The following FAAH variants were observed in gnomAD, a reference collection of about 807,000 sequenced individuals.
FAAH encodes the protein fatty-acid amide hydrolase 1.
In FAAH, 63 loss-of-function variants were observed where a neutral mutation model predicts 69.7. The observed-to-expected ratio is 0.90, with a 90% CI of 0.74 to 1.12. FAAH has a LOEUF of 1.12. Ranked by LOEUF, FAAH falls within the 50% of genes most tolerant of loss-of-function variation. The pLI, the probability that FAAH is intolerant of heterozygous loss-of-function variation, is 0.00. For missense variants in FAAH, 680 were observed against 755.0 expected, an observed-to-expected ratio of 0.90 and a Z score of 1.16; for synonymous variants, 305 against 324.2, an observed-to-expected ratio of 0.94 and a Z score of 0.64.
intron 1 of FAAH, among the ~76,000 whole-genome samples, chr1:46,397,527 T>TG (rs1664617035): frequency 6.6e-6 from 1 of 151,872 alleles, no homozygotes; most frequent in Non-Finnish European, 1.5e-5. Context: ...TTGTAGGCTT[T>TG]GCGGGGGAGT....
In FAAH at chr1:46,408,503, T is replaced by G. The variant is rs747394672; in HGVS notation, c.996T>G (p.Thr332=). The change falls in exon 8 of 15, where the codon ACT becomes ACG. Residue 332 remains threonine (T), a synonymous_variant. Coordinates refer to ENST00000243167, the MANE Select transcript of FAAH (RefSeq NM_001441.3). ...SQPLRVGYYE[T]DNYTMPSPAM... Reference sequence around the variant, plus strand: ...CCCTGCGTGTGGGGTACTATGAGACTGACAACTATACCATGCCCTCCCCGG... The same window carrying G: ...CCCTGCGTGTGGGGTACTATGAGACGGACAACTATACCATGCCCTCCCCGG... The G allele has an allele frequency of 1.9e-6, 3 of 1,614,006 alleles. No individual in the cohort carries two copies. In the African/African-American group the frequency reaches 4.0e-5, roughly 22 times the overall value.
chr1:46,410,704 G>A lies in FAAH; in HGVS notation c.1276-110G>A, dbSNP rs1022652489. 63 of 1,395,506 alleles carry A rather than the reference G, an allele frequency of 4.5e-5. No homozygotes were observed. The East Asian group carries it at 1.4e-3, about 30-fold the overall frequency. The allele number at this position is 1,395,506 out of a possible 1,614,324, so 86.4% of individuals were successfully genotyped here. A position where few individuals can be genotyped will look rare whatever the true frequency, so the allele number is the denominator to read the frequency against. ...CATGCTGAAAGGGGTGCCGACCTGG[G>A]CCCTGGGGGGAGGCATGGAGGGAGG... is the stretch of plus-strand genomic sequence containing the variant. On this transcript the variant is annotated intron_variant, in intron 10 of 14. Transcript: ENST00000243167. This position sits in a 1 kb window ranked among gnomAD's most constrained non-coding sequence, Gnocchi z 4.9.
At position 46,406,344 on chromosome 1, in the gene FAAH, G is replaced by A. The variant is rs774930131; in HGVS notation, c.927G>A (p.Val309=). Residue 309 remains valine (V), a synonymous_variant, in exon 7 of 15, where the codon GTG becomes GTA. Transcript: ENST00000243167. ...CEDMFRLDPT[V]PPLPFREEVY... ...ACATGTTCCGCTTGGACCCCACTGT[G>A]CCTCCCTTGCCCTTCAGAGAAGAGG... 4.7e-5 allele frequency: 76 copies of A among 1,613,962 alleles called. No homozygotes were observed. Among genetic ancestry groups the A allele is most frequent in the Non-Finnish European group, 3.6e-5 (42 of 1,180,048 alleles).
rs1664786137 is a variant in FAAH, at chr1:46,405,940, A to G, written c.786-98A>G. On this transcript the variant is annotated intron_variant, in intron 5 of 14. Coordinates refer to ENST00000243167, the MANE Select transcript of FAAH (RefSeq NM_001441.3). The surrounding 1 kb of genome is among the most constrained non-coding windows in gnomAD (Gnocchi z 4.1). ...GTACCACTGGCCGGGCGTGGGTCCTAGTTTCCAAAGCGGTGAGTGTTCAGA... is the reference window on the plus strand; with the variant it reads ...GTACCACTGGCCGGGCGTGGGTCCTGGTTTCCAAAGCGGTGAGTGTTCAGA... The G allele has an allele frequency of 1.9e-6, 3 of 1,612,706 alleles. No individual in the cohort carries two copies. Among genetic ancestry groups the G allele is most frequent in the Admixed American group, 3.3e-5 (2 of 60,014 alleles).
At position 46,404,999 on chromosome 1, in the gene FAAH, C is replaced by T. The variant is rs1366374033; in HGVS notation, c.310-15C>T. On this transcript the variant is annotated splice_polypyrimidine_tract_variant and intron_variant, in intron 2 of 14. Transcript: ENST00000243167. This position sits in a 1 kb window ranked among gnomAD's most constrained non-coding sequence, Gnocchi z 4.5. ...CCAGCCTCCTTTTATCTTATGTCTACTTCCCCTTCCTCAGGCCTGGGAAGT... is the reference window on the plus strand; with the variant it reads ...CCAGCCTCCTTTTATCTTATGTCTATTTCCCCTTCCTCAGGCCTGGGAAGT... The T allele has an allele frequency of 1.9e-6, 3 of 1,613,890 alleles. No individual in the cohort carries two copies. Among genetic ancestry groups the T allele is most frequent in the Middle Eastern group, 1.6e-4 (1 of 6,084 alleles).
chr1:46,409,155 G>C lies in FAAH; in HGVS notation c.1132G>C (p.Gly378Arg). ...CCATGCTCTGGAGACCCTGTCAACAGGTGGGCTCTTCAGTGATGGTGGCCA... is the reference window on the plus strand; with the variant it reads ...CCATGCTCTGGAGACCCTGTCAACACGTGGGCTCTTCAGTGATGGTGGCCA... ...IPHALETLST[G>R]GLFSDGGHTF... The change falls in exon 9 of 15, where the codon GGT (glycine) becomes CGT (arginine). Residue 378 changes from glycine (G) to arginine (R), a missense_variant. Physicochemically the swap from Gly to Arg is moderately radical, Grantham distance 125. Coordinates refer to ENST00000243167, the MANE Select transcript of FAAH (RefSeq NM_001441.3). 2 of 1,614,062 alleles carry C rather than the reference G, an allele frequency of 1.2e-6. No homozygotes were observed. Among genetic ancestry groups the C allele is most frequent in the Non-Finnish European group, 1.7e-6 (2 of 1,179,988 alleles).
rs1664769536 is a variant in FAAH at position 46,405,207 on chromosome 1, T to C, written c.444+59T>C. 2 of 1,613,104 alleles carry C rather than the reference T, an allele frequency of 1.2e-6. No homozygotes were observed. Among genetic ancestry groups the C allele is most frequent in the Non-Finnish European group, 1.7e-6 (2 of 1,180,020 alleles). On this transcript the variant is annotated intron_variant, in intron 3 of 14. Transcript: ENST00000243167. This position sits in a 1 kb window ranked among gnomAD's most constrained non-coding sequence, Gnocchi z 4.1. ...CCCCTCCATCCCTGCCAGCCTGCTC[T>C]GCATCTTGGGTCATTTTGGGCCCTT...
At position 46,413,529 on chromosome 1, in the gene FAAH, T is replaced by C. The variant is rs922554874; in HGVS notation, c.1694T>C (p.Met565Thr). 2 of 1,614,086 alleles carry C rather than the reference T, an allele frequency of 1.2e-6. No homozygotes were observed. Among genetic ancestry groups the C allele is most frequent in the Admixed American group, 1.7e-5 (1 of 60,014 alleles). ...PWQEELCLRF[M>T]REVERLMTPE... The stretch of plus-strand genomic sequence containing the variant: ...CAAGAAGAGTTGTGTCTGCGGTTCA[T>C]GCGGGAGGTGGAGCGACTGATGACC... Residue 565 changes from methionine (M) to threonine (T), a missense_variant, in exon 15 of 15, where the codon ATG becomes ACG. Physicochemically the swap from Met to Thr is moderately conservative, Grantham distance 81. Transcript: ENST00000243167.
In FAAH at chr1:46,405,196, C is replaced by T. The variant is rs1370000219; in HGVS notation, c.444+48C>T. On this transcript the variant is annotated intron_variant, in intron 3 of 14. Transcript: ENST00000243167. The surrounding 1 kb of genome is among the most constrained non-coding windows in gnomAD (Gnocchi z 4.1). ...GCCTCCATCGTCCCCTCCATCCCTGCCAGCCTGCTCTGCATCTTGGGTCAT... is the reference window on the plus strand; with the variant it reads ...GCCTCCATCGTCCCCTCCATCCCTGTCAGCCTGCTCTGCATCTTGGGTCAT... 1.2e-6 allele frequency: 2 copies of T among 1,613,338 alleles called. No individual in the cohort carries two copies. The highest frequency in any genetic ancestry group is 1.7e-5 in the Admixed American group (1 of 60,030).
rs79903429 is a variant in FAAH, at chr1:46,410,776, C to G, written c.1276-38C>G. The G allele has an allele frequency of 1.7e-3, 2,783 of 1,613,972 alleles. 31 individuals carry two copies. In the East Asian group the frequency reaches 0.021, roughly 12 times the overall value. On this transcript the variant is annotated intron_variant, in intron 10 of 14. Transcript: ENST00000243167. This position sits in a 1 kb window ranked among gnomAD's most constrained non-coding sequence, Gnocchi z 4.9. Reference sequence around the variant, plus strand: ...AAGAAGGTTGACGTCTGCCGTGGCCCAGAGCTGAGTCACCGACCCTGCGTC... The same window carrying G: ...AAGAAGGTTGACGTCTGCCGTGGCCGAGAGCTGAGTCACCGACCCTGCGTC...
chr1:46,394,321 C>T lies in FAAH; in HGVS notation c.-28C>T, dbSNP rs1378943751. 1 of 1,539,840 alleles carries T rather than the reference C, an allele frequency of 6.5e-7. No homozygotes were observed. The highest frequency in any genetic ancestry group is 1.2e-5 in the South Asian group (1 of 83,070). Reference sequence around the variant, plus strand: ...GCGCGTGCGGCGGCTTCAACTGTCGCGGTAGGCAGCAGCAGGCTGAAGGGA... The same window carrying T: ...GCGCGTGCGGCGGCTTCAACTGTCGTGGTAGGCAGCAGCAGGCTGAAGGGA... On this transcript the variant is annotated 5_prime_UTR_variant, in exon 1 of 15. Transcript: ENST00000243167.
At chr1:46,406,009 G>A in intron 5 of FAAH, 29 bp from the exon 6 acceptor site, 1 of 1,614,114 alleles carries the variant, frequency 6.2e-7, no homozygotes, top group Non-Finnish European at 8.5e-7. Context: ...GCCATTTCCT[G>A]TTTCCAGCAT....
rs769992869 is a variant in FAAH at position 46,406,255 on chromosome 1, G to A, written c.838G>A (p.Val280Met). 1.9e-6 allele frequency: 3 copies of A among 1,613,868 alleles called. No homozygotes were observed. The highest frequency in any genetic ancestry group is 1.3e-5 in the African/African-American group (1 of 74,936). ...TCTCTGCCCCACAGTGCGTCTCTCCGTGGGCCCCATGGCCCGGGACGTGGA... is the reference window on the plus strand; with the variant it reads ...TCTCTGCCCCACAGTGCGTCTCTCCATGGGCCCCATGGCCCGGGACGTGGA... ...VYGQEAVRLSVGPMARDVESL... is the reference protein window; with the variant it reads ...VYGQEAVRLSMGPMARDVESL... The change falls in exon 7 of 15, where the codon GTG becomes ATG. Residue 280 changes from valine (V) to methionine (M), a missense_variant. Val to Met is a conservative substitution (Grantham distance 21, BLOSUM62 1). Transcript: ENST00000243167.
At chr1:46,412,056 A>C in intron 12 of FAAH, 87 bp from the exon 13 acceptor site, 1 of 1,189,668 alleles carries the variant, frequency 8.4e-7, no homozygotes, top group Non-Finnish European at 1.2e-6. Flanking sequence ...CTGGGGCCAG[A>C]GCCACCCCAG....
In FAAH at chr1:46,410,816, G is replaced by C. The variant is rs74783386; in HGVS notation, c.1278G>C (p.Leu426=). Residue 426 remains leucine (L), a splice_region_variant and synonymous_variant, in exon 11 of 15, where the codon CTG becomes CTC. Coordinates refer to ENST00000243167, the MANE Select transcript of FAAH (RefSeq NM_001441.3). This position sits in a 1 kb window ranked among gnomAD's most constrained non-coding sequence, Gnocchi z 4.9. ...GACCCTGCGTCTGTCCTGTGCAGCTGCCAAGGCTGTCAGCTTTCCTCAGCA... is the reference window on the plus strand; with the variant it reads ...GACCCTGCGTCTGTCCTGTGCAGCTCCCAAGGCTGTCAGCTTTCCTCAGCA... ...GLLAFLVKPL[L]PRLSAFLSNM... The C allele has an allele frequency of 1.7e-3, 2,781 of 1,614,216 alleles. 31 individuals carry two copies. The East Asian group carries it at 0.021, about 12-fold the overall frequency.
At position 46,413,046 on chromosome 1, in the gene FAAH, C is replaced by G. The variant is rs759692017; in HGVS notation, c.1466-29C>G. The G allele has an allele frequency of 5.6e-6, 9 of 1,613,698 alleles. No homozygotes were observed. In the East Asian group the frequency reaches 2.0e-4, roughly 36 times the overall value. On this transcript the variant is annotated intron_variant, in intron 13 of 14. Coordinates refer to ENST00000243167, the MANE Select transcript of FAAH (RefSeq NM_001441.3). The stretch of plus-strand genomic sequence containing the variant: ...AGTTGGCACTGAAGATTCTCAGGGC[C>G]TGCTGCAGCTGCCTGTAATGTGTTC...
chr1:46,394,619 G>T (rs112313665), intron 1 of FAAH, 76 bp downstream of exon 1: 48 of 1,205,274 alleles, frequency 4.0e-5, no homozygotes, highest in Non-Finnish European at 4.9e-5. Flanking sequence ...CGGACCCGCC[G>T]AGGGACAGGG....
chr1:46,401,494 G>A (rs1308908043), intron 1 of FAAH, among the ~76,000 whole-genome samples: 1 of 152,052 alleles, frequency 6.6e-6, no homozygotes. Context: ...TCCCAAGATG[G>A]GGTCTTCTTG....
chr1:46,396,829 C>T lies in FAAH; in HGVS notation c.195+2286C>T, dbSNP rs12022769. On this transcript the variant is annotated intron_variant, in intron 1 of 14. Transcript: ENST00000243167. ...CATAGACACAGTAACAGTCTGATCT[C>T]TCTTTTCCCCACACATGTGTTGCGG... Among the ~76,000 whole-genome samples, 339 of 152,286 alleles carry T rather than the reference C, an allele frequency of 2.2e-3. 8 individuals are homozygous for T. The East Asian group carries it at 0.054, about 24-fold the overall frequency.
Sources: allele counts gnomAD v4.1 joint callset (sites outside exome capture counted in the v4.1 genomes callset), GRCh38; gene constraint gnomAD v4.1.1; non-coding constraint Gnocchi (gnomAD v3.1); transcripts MANE v1.5; gene names NCBI Gene and HGNC (gene_info 2026-07-23, HGNC 2026-07-21).